Variants in ALK observed in about 807,000 individuals in gnomAD.
The protein encoded by ALK is ALK receptor tyrosine kinase.
In ALK, 74 loss-of-function variants were observed where a neutral mutation model predicts 163.1. The observed-to-expected ratio is 0.45, with a 90% CI of 0.38 to 0.55. The LOEUF (loss-of-function observed/expected upper bound fraction) is 0.55, where lower values mean the gene tolerates loss of function less well. ALK is among the 20% of genes least tolerant of loss of function. The pLI is 0.00. For missense variants in ALK, 2,063 were observed against 2,105.3 expected, an observed-to-expected ratio of 0.98 and a Z score of 0.39; for synonymous variants, 960 against 843.2, an observed-to-expected ratio of 1.14 and a Z score of -2.40.
At chr2:29,704,414 T>A (rs906784965) in intron 2 of ALK, among the ~76,000 whole-genome samples, 2 of 152,206 alleles carry the variant, frequency 1.3e-5, no homozygotes, top group Non-Finnish European at 2.9e-5. Flanking sequence ...ATGGGGATCA[T>A]CAAAGAATGC....
At chr2:29,827,035 A>C (rs1312018380) in intron 1 of ALK, among the ~76,000 whole-genome samples, 1 of 152,244 alleles carries the variant, frequency 6.6e-6, no homozygotes. Context: ...TCCAAGTGTC[A>C]GAGACTAACA....
intron 3 of ALK, among the ~76,000 whole-genome samples, chr2:29,642,421 C>T (rs1401954408): frequency 1.3e-5 from 2 of 151,996 alleles, no homozygotes; most frequent in South Asian, 2.1e-4. Flanking sequence ...GAAAAGAAGC[C>T]GAATCAGCAA....
chr2:29,677,351 C>A (rs1422913599), intron 3 of ALK, among the ~76,000 whole-genome samples: 1 of 148,570 alleles, frequency 6.7e-6, no homozygotes, highest in East Asian at 2.0e-4. Flanking sequence ...AAGTATTTTT[C>A]CCTTATTCTT....
intron 4 of ALK, among the ~76,000 whole-genome samples, chr2:29,507,803 A>T (rs997165147): frequency 1.3e-5 from 2 of 152,164 alleles, no homozygotes; most frequent in African/African-American, 4.8e-5. Flanking sequence ...GATGGCCCTC[A>T]TGGTACAGAG....
chr2:29,443,873 G>A (rs906408744), intron 4 of ALK, among the ~76,000 whole-genome samples: 1 of 152,194 alleles, frequency 6.6e-6, no homozygotes, highest in African/African-American at 2.4e-5. Flanking sequence ...CTCACTGATA[G>A]TCATGCTAAT....
intron 4 of ALK, among the ~76,000 whole-genome samples, chr2:29,524,360 A>G (rs948162304): frequency 1.3e-5 from 2 of 152,374 alleles, no homozygotes; most frequent in African/African-American, 4.8e-5. Context: ...GGATAAGAAC[A>G]GCTCTTAGTT....
chr2:29,327,045 G>A (rs1667285886), intron 6 of ALK, among the ~76,000 whole-genome samples: 1 of 152,222 alleles, frequency 6.6e-6, no homozygotes, highest in African/African-American at 2.4e-5. Context: ...CCAGGATCTG[G>A]CACATTTTCC....
chr2:29,237,483 A>G lies in ALK; in HGVS notation c.2355+2197T>C, dbSNP rs376651125. Among the ~76,000 whole-genome samples the G allele has an allele frequency of 4.6e-5, 7 of 152,232 alleles. 1 individual carries two copies. The highest frequency in any genetic ancestry group is 2.1e-4 in the South Asian group (1 of 4,810). On this transcript the variant is annotated intron_variant, in intron 13 of 28. Coordinates refer to ENST00000389048, the MANE Select transcript of ALK (RefSeq NM_004304.5). ...CCTCCAGCCCGAGTGTTCCTTGAGC[A>G]TCGATGAACCTCTGGGACATGGCCT...
rs1452965321 is a variant in ALK at position 29,246,198 on chromosome 2, G to A, written c.2204+4907C>T. On this transcript the variant is annotated intron_variant, in intron 12 of 28. Coordinates refer to ENST00000389048, the MANE Select transcript of ALK (RefSeq NM_004304.5). The surrounding 1 kb of genome is among the most constrained non-coding windows in gnomAD (Gnocchi z 4.3). Reference sequence around the variant, plus strand: ...GAAGGATGCTGGTCCTAGACAGGTAGGAAGGCAGGCAGGCTGGAGGGGGAG... The same window carrying A: ...GAAGGATGCTGGTCCTAGACAGGTAAGAAGGCAGGCAGGCTGGAGGGGGAG... Among the ~76,000 whole-genome samples the A allele has an allele frequency of 6.6e-6, 1 of 151,828 alleles. No homozygotes were observed. Among genetic ancestry groups the A allele is most frequent in the Admixed American group, 6.6e-5 (1 of 15,244 alleles).
chr2:29,511,660 GA>G (rs1672520828), intron 4 of ALK, among the ~76,000 whole-genome samples: 1 of 152,162 alleles, frequency 6.6e-6, no homozygotes, highest in Non-Finnish European at 1.5e-5. Context: ...TCCAGACAGG[GA>G]GTAGAATGGC....
chr2:29,240,928 T>G (rs1664507030), intron 12 of ALK, among the ~76,000 whole-genome samples: 1 of 152,226 alleles, frequency 6.6e-6, no homozygotes. Context: ...GTGCACATAG[T>G]AGCTCCTTTA....
At chr2:29,420,678 G>A (rs920707587) in intron 4 of ALK, among the ~76,000 whole-genome samples, 1 of 151,570 alleles carries the variant, frequency 6.6e-6, no homozygotes, top group African/African-American at 2.4e-5. Flanking sequence ...CTGTGCGGAT[G>A]AATAAGCAGG....
Position 29,583,035 on chromosome 2 carries a change from G to GTTTTTT in ALK, c.953-50925_953-50920dup, listed in dbSNP as rs10637189. On this transcript the variant is annotated intron_variant, in intron 3 of 28. Coordinates refer to ENST00000389048, the MANE Select transcript of ALK (RefSeq NM_004304.5). ...GTGCCACCATGCCTGGCTAACTTTTGTTTTTTGTTTTTTTGTTTTTTTTAG... is the reference window on the plus strand; with the variant it reads ...GTGCCACCATGCCTGGCTAACTTTTGTTTTTTTTTTTTGTTTTTTTGTTTTTTTTAG... Among the ~76,000 whole-genome samples the GTTTTTT allele has an allele frequency of 6.7e-4, 72 of 108,074 alleles. 1 individual carries two copies. Among genetic ancestry groups the GTTTTTT allele is most frequent in the East Asian group, 9.6e-4 (4 of 4,170 alleles). The allele number at this position is 108,074 out of a possible 152,430, so 70.9% of individuals were successfully genotyped here. A position where few individuals can be genotyped will look rare whatever the true frequency, so the allele number is the denominator to read the frequency against.
At chr2:29,838,207 A>G (rs1244155743) in intron 1 of ALK, among the ~76,000 whole-genome samples, 2 of 152,180 alleles carry the variant, frequency 1.3e-5, no homozygotes, top group Non-Finnish European at 2.9e-5. Context: ...AAAGGAGCAG[A>G]GCCACAGTGA....
chr2:29,754,787 G>T (rs1044299830), intron 1 of ALK, among the ~76,000 whole-genome samples: 1 of 151,992 alleles, frequency 6.6e-6, no homozygotes, highest in Admixed American at 6.6e-5. Context: ...CATACATGTT[G>T]GTATTTATAC....
At chr2:29,723,136 T>C (rs935421311) in intron 1 of ALK, among the ~76,000 whole-genome samples, 2 of 152,300 alleles carry the variant, frequency 1.3e-5, no homozygotes, top group Admixed American at 1.3e-4. Context: ...GCCTAGCCCC[T>C]AAAGGCCCCA....
intron 15 of ALK, among the ~76,000 whole-genome samples, chr2:29,231,367 C>T (rs1429222095): frequency 6.6e-6 from 1 of 152,186 alleles, no homozygotes; most frequent in Non-Finnish European, 1.5e-5. Context: ...AAAATTGTCT[C>T]TATCACTAAA....
chr2:29,206,486 G>C (rs932351057), intron 26 of ALK, among the ~76,000 whole-genome samples: 1 of 152,052 alleles, frequency 6.6e-6, no homozygotes, highest in Non-Finnish European at 1.5e-5. Flanking sequence ...TACCCAGGCT[G>C]GTCTTGAACT....
intron 1 of ALK, among the ~76,000 whole-genome samples, chr2:29,856,779 G>A (rs76301615): frequency 6.6e-6 from 1 of 152,198 alleles, no homozygotes; most frequent in African/African-American, 2.4e-5. Flanking sequence ...CGGATCCTGT[G>A]TCCTTCCAGA....
Sources: gnomAD v4.1 joint callset for allele counts (sites outside exome capture counted in the v4.1 genomes callset) on GRCh38, gnomAD v4.1.1 for gene constraint, Gnocchi (gnomAD v3.1) non-coding constraint, MANE v1.5 for transcripts, NCBI Gene and HGNC (gene_info 2026-07-23, HGNC 2026-07-21) for gene names.